ANKFN1: variants seen among roughly 807,000 people sequenced by gnomAD.
ANKFN1 encodes the protein ankyrin repeat and fibronectin type III domain containing 1.
A neutral mutation model predicts 108.7 loss-of-function variants in ANKFN1; 74 were observed. That is an observed-to-expected ratio of 0.68 (90% confidence interval 0.56 to 0.83). ANKFN1 has a LOEUF of 0.83. ANKFN1 is among the 40% of genes least tolerant of loss of function. ANKFN1 has a pLI of 0.00. For missense variants in ANKFN1, 1,505 were observed against 1,382.3 expected (o/e 1.09, Z -1.41); for synonymous variants, 547 against 516.2 (o/e 1.06, Z -0.81).
chr17:56,289,130 A>G (rs1251425046), intron 3 of ANKFN1, among the ~76,000 whole-genome samples: 1 of 152,142 alleles, frequency 6.6e-6, no homozygotes, highest in Non-Finnish European at 1.5e-5. Context: ...TGTTTCAAGA[A>G]AATGTTCTTG....
At chr17:56,296,214 C>A (rs930138236) in intron 3 of ANKFN1, among the ~76,000 whole-genome samples, 3 of 151,894 alleles carry the variant, frequency 2.0e-5, no homozygotes, top group African/African-American at 7.3e-5. Context: ...AGGGTGTGAA[C>A]CAGCAACCTA....
chr17:56,257,403 T>G (rs922224641), intron 3 of ANKFN1, among the ~76,000 whole-genome samples: 4 of 152,222 alleles, frequency 2.6e-5, no homozygotes, highest in African/African-American at 9.6e-5. Context: ...ATGCATCTGG[T>G]TATTCACTGG....
At chr17:56,382,288 T>C (rs1317109362) in intron 8 of ANKFN1, among the ~76,000 whole-genome samples, 1 of 152,184 alleles carries the variant, frequency 6.6e-6, no homozygotes, top group East Asian at 1.9e-4. Context: ...CTGAGAGATT[T>C]TGTCACCACC....
intron 4 of ANKFN1, among the ~76,000 whole-genome samples, chr17:56,137,725 A>T (rs983807762): frequency 6.6e-6 from 1 of 152,212 alleles, no homozygotes; most frequent in Non-Finnish European, 1.5e-5. Flanking sequence ...GAATTATATC[A>T]TAGGATACCT....
At chr17:56,134,311 A>T (rs1907465581) in intron 4 of ANKFN1, among the ~76,000 whole-genome samples, 1 of 152,104 alleles carries the variant, frequency 6.6e-6, no homozygotes, top group Non-Finnish European at 1.5e-5. Context: ...CCAAGTCCAC[A>T]GTTTAGGGAT....
intron 20 of ANKFN1, among the ~76,000 whole-genome samples, chr17:56,502,295 A>G (rs1257235707): frequency 6.6e-6 from 1 of 152,162 alleles, no homozygotes; most frequent in African/African-American, 2.4e-5. Context: ...TATGCCACAG[A>G]AGTGCCAAAC....
At chr17:56,294,042 G>C (rs892751372) in intron 3 of ANKFN1, among the ~76,000 whole-genome samples, 1 of 152,152 alleles carries the variant, frequency 6.6e-6, no homozygotes, top group African/African-American at 2.4e-5. Context: ...TTAAATTTCG[G>C]GTTCTGTTTT....
intron 3 of ANKFN1, among the ~76,000 whole-genome samples, chr17:56,268,620 C>A (rs1260389986): frequency 6.6e-6 from 1 of 151,834 alleles, no homozygotes; most frequent in Non-Finnish European, 1.5e-5. Context: ...AAAACCCATA[C>A]AAAAGACTAA....
intron 14 of ANKFN1, among the ~76,000 whole-genome samples, chr17:56,462,698 G>A (rs2049947746): frequency 6.6e-6 from 1 of 152,154 alleles, no homozygotes; most frequent in Admixed American, 6.5e-5. Context: ...ATTTTCCTCT[G>A]GTGCATCTCA....
intron 3 of ANKFN1, among the ~76,000 whole-genome samples, chr17:56,281,619 A>G (rs925651851): frequency 2.0e-5 from 3 of 152,226 alleles, no homozygotes; most frequent in Non-Finnish European, 2.9e-5. Flanking sequence ...ACTTATATTC[A>G]GAATACATAA....
intron 3 of ANKFN1, among the ~76,000 whole-genome samples, chr17:56,290,737 C>A (rs1360591525): frequency 2.0e-5 from 3 of 152,164 alleles, no homozygotes; most frequent in African/African-American, 7.2e-5. Context: ...CAGATGGTAA[C>A]TAATTTCATT....
At chr17:56,347,954 G>C (rs149466872) in intron 4 of ANKFN1, among the ~76,000 whole-genome samples, 1 of 152,154 alleles carries the variant, frequency 6.6e-6, no homozygotes, top group East Asian at 1.9e-4. Context: ...AGAATGTAGA[G>C]TTATTTTGGG....
chr17:56,192,725 T>A (rs1018222664), intron 1 of ANKFN1, among the ~76,000 whole-genome samples: 7 of 77,296 alleles, frequency 9.1e-5, no homozygotes, highest in Non-Finnish European at 1.5e-4. Context: ...CCAGTTAGAA[T>A]GGCAGTCATT....
intron 3 of ANKFN1, among the ~76,000 whole-genome samples, chr17:56,255,622 G>A (rs1442515588): frequency 6.6e-6 from 1 of 152,052 alleles, no homozygotes; most frequent in Admixed American, 6.5e-5. Context: ...ATGAAAATGT[G>A]GCCTGTTTAC....
At chr17:56,056,422 T>G (rs1289625295) in intron 4 of ANKFN1, among the ~76,000 whole-genome samples, 1 of 147,996 alleles carries the variant, frequency 6.8e-6, no homozygotes, top group Non-Finnish European at 1.5e-5. Context: ...GACTTCAAAT[T>G]ATACTACAAG....
At chr17:56,151,504 G>A (rs1011962809), upstream of ANKFN1, among the ~76,000 whole-genome samples, 1 of 152,158 alleles carries the variant, frequency 6.6e-6, no homozygotes, top group African/African-American at 2.4e-5. Flanking sequence ...AGAAAGTGCT[G>A]GGTTGGGGCT....
At chr17:56,334,938 A>G (rs2045764479) in intron 4 of ANKFN1, among the ~76,000 whole-genome samples, 4 of 152,118 alleles carry the variant, frequency 2.6e-5, no homozygotes, top group African/African-American at 9.7e-5. Flanking sequence ...TCAGCTTTCT[A>G]CATATGGCTA....
chr17:56,351,021 G>A, intron 5 of ANKFN1, 54 bp downstream of exon 5: 3 of 1,552,254 alleles, frequency 1.9e-6, no homozygotes, highest in East Asian at 4.6e-5. Context: ...TTTATGTTTG[G>A]GTTTAAGGAT....
intron 3 of ANKFN1, chr17:56,257,880 T>G (rs1316547427): frequency 6.6e-6 from 1 of 152,268 alleles, no homozygotes; most frequent in Non-Finnish European, 1.5e-5. Flanking sequence ...TCCCTCTCTC[T>G]AACCCCTCCA....
Sources: allele counts gnomAD v4.1 joint callset (sites outside exome capture counted in the v4.1 genomes callset), GRCh38; gene constraint gnomAD v4.1.1; transcripts MANE v1.5; gene names NCBI Gene and HGNC (gene_info 2026-07-23, HGNC 2026-07-21).